The following CPNE7 variants were observed in gnomAD, a reference collection of about 807,000 sequenced individuals.
CPNE7 encodes the protein copine-7.
Under a neutral mutation model 66.5 loss-of-function variants are expected in CPNE7, and 78 were observed. The observed-to-expected ratio is 1.17, with a 90% CI of 0.98 to 1.42. CPNE7 has a LOEUF of 1.42. CPNE7 is among the 40% of genes most tolerant of loss of function. CPNE7 has a pLI of 0.00. For synonymous variants in CPNE7, 468 were observed against 336.7 expected (o/e 1.39, Z -4.27); for missense variants, 1,012 against 776.6 (o/e 1.30, Z -3.60).
chr16:89,587,648 T>TGTCACCCCCATGTCACCCGCAGACCCCGC (rs1438193389), intron 9 of CPNE7: 10 of 445,306 alleles, frequency 2.2e-5, no homozygotes, highest in East Asian at 2.1e-4. Context: ...ACAGACCCCG[T>TGTCACCCCCATGTCACCCGCAGACCCCGC]GTCACCCCCA....
rs1222289645 is a variant in CPNE7, at chr16:89,595,405, G to T, written c.1341G>T (p.Val447=). ...YILLILTDGV[V]TDMADTREAI... is the part of the protein sequence containing the mutation. ...TGCTGATCCTGACGGACGGCGTGGTGACCGACATGGCCGACACACGGGAGG... is the reference window on the plus strand; with the variant it reads ...TGCTGATCCTGACGGACGGCGTGGTTACCGACATGGCCGACACACGGGAGG... Residue 447 remains valine, a synonymous_variant, in exon 14 of 15, where the codon GTG becomes GTT. Transcript: ENST00000319518. 3 of 1,597,392 alleles carry T rather than the reference G, an allele frequency of 1.9e-6. No homozygotes were observed. In the South Asian group the frequency reaches 3.3e-5, roughly 18 times the overall value.
chr16:89,579,405 G>A (rs1188344929), intron 2 of CPNE7, among the ~76,000 whole-genome samples: 8 of 151,116 alleles, frequency 5.3e-5, no homozygotes, highest in African/African-American at 1.2e-4. Flanking sequence ...CCCGTCACAC[G>A]GAACATCTCA....
In CPNE7 at chr16:89,577,661, C is replaced by A; in HGVS notation, c.297C>A (p.Pro99=). Residue 99 remains proline, a synonymous_variant, in exon 2 of 15, where the codon CCC becomes CCA. Coordinates refer to ENST00000319518, the MANE Select transcript of CPNE7 (RefSeq NM_153636.3). ...TTGAGGTGTACGACACGCATGGGCC[C>A]AGCGGCTTCAGCTGTCAGGAGGACG... ...LRFEVYDTHG[P]SGFSCQEDDF... 1 of 1,597,430 alleles carries A rather than the reference C, an allele frequency of 6.3e-7. No individual in the cohort carries two copies.
chr16:89,585,831 G>T, intron 7 of CPNE7, 46 bp downstream of exon 7: 1 of 729,276 alleles, frequency 1.4e-6, no homozygotes, highest in Non-Finnish European at 2.1e-6. Flanking sequence ...GTCAGGTGGG[G>T]GTGGAGGGGG....
intron 2 of CPNE7, among the ~76,000 whole-genome samples, chr16:89,582,913 C>T (rs765606232): frequency 7.2e-5 from 11 of 152,236 alleles, no homozygotes; most frequent in African/African-American, 9.6e-5. Flanking sequence ...CCCGCTTGGC[C>T]GGGGTCATCA....
At chr16:89,587,429 C>A (rs187464198) in intron 9 of CPNE7, 2 of 384,390 alleles carry the variant, frequency 5.2e-6, no homozygotes, top group Non-Finnish European at 1.0e-5. Flanking sequence ...TCTCCATGCG[C>A]GGCTCCTGGG....
Position 89,586,679 on chromosome 16 carries a change from G to A in CPNE7, c.790G>A (p.Asp264Asn). 2.5e-6 allele frequency: 4 copies of A among 1,612,826 alleles called. No individual in the cohort carries two copies. In the South Asian group the frequency reaches 3.3e-5, roughly 13 times the overall value. ...CTTGTTCCTGCCCCAGGCCCAGTGG[G>A]ACTGTGTGAACCCCAAATACAAGCA... Reference protein sequence around the residue: ...KAFEEGQAQWDCVNPKYKQKR... With the variant: ...KAFEEGQAQWNCVNPKYKQKR... Residue 264 changes from aspartate to asparagine, a missense_variant, in exon 8 of 15, where the codon GAC becomes AAC. Transcript: ENST00000319518.
chr16:89,591,841 C>T (rs1201965122), intron 13 of CPNE7, among the ~76,000 whole-genome samples: 2 of 151,968 alleles, frequency 1.3e-5, no homozygotes, highest in Non-Finnish European at 2.9e-5. Context: ...GCTGGGACTA[C>T]AGGCGCCCGC....
chr16:89,576,264 G>C (rs898585811), intron 1 of CPNE7, among the ~76,000 whole-genome samples, 193 bp downstream of exon 1: 2 of 152,110 alleles, frequency 1.3e-5, no homozygotes, highest in East Asian at 1.9e-4. Context: ...TGTGGGGAGA[G>C]GCTGGGCTGG....
chr16:89,589,849 A>T (rs1217602145), intron 10 of CPNE7, 48 bp from the exon 11 acceptor site: 1 of 1,605,074 alleles, frequency 6.2e-7, no homozygotes, highest in African/African-American at 1.3e-5. Context: ...CCCCTGTTGC[A>T]GCCACAAGAG....
intron 3 of CPNE7, 110 bp downstream of exon 3, chr16:89,583,881 A>T (rs1018515798): frequency 2.1e-6 from 3 of 1,450,516 alleles, no homozygotes; most frequent in Admixed American, 1.9e-5. Context: ...GGTCTGCAGG[A>T]GCCGGCAGCT....
intron 2 of CPNE7, among the ~76,000 whole-genome samples, 185 bp downstream of exon 2, chr16:89,577,906 T>C (rs1462673173): frequency 6.6e-6 from 1 of 152,172 alleles, no homozygotes; most frequent in African/African-American, 2.4e-5. Context: ...AACTGGGTAA[T>C]ACATTCGTAT....
chr16:89,580,033 GC>G (rs2058926410), intron 2 of CPNE7, among the ~76,000 whole-genome samples: 1 of 44,536 alleles, frequency 2.2e-5, no homozygotes, highest in Non-Finnish European at 5.7e-5. Flanking sequence ...CCTGTCACCC[GC>G]TGACACGGAA....
intron 2 of CPNE7, 48 bp from the exon 3 acceptor site, chr16:89,583,649 G>A: frequency 1.2e-6 from 2 of 1,611,126 alleles, no homozygotes; most frequent in Non-Finnish European, 1.7e-6. Flanking sequence ...TCCAGGGTCA[G>A]GAGCCGTCCC....
At chr16:89,588,851 G>C (rs2059127248) in intron 10 of CPNE7, 43 bp downstream of exon 10, 6 of 1,606,060 alleles carry the variant, frequency 3.7e-6, no homozygotes, top group Middle Eastern at 3.3e-4. Flanking sequence ...CTCCAGGTCA[G>C]CTATGACAGG....
rs1483874250 is a variant in CPNE7, at chr16:89,576,943, C to T, written c.175-596C>T. On this transcript the variant is annotated intron_variant, in intron 1 of 14. Coordinates refer to ENST00000319518, the MANE Select transcript of CPNE7 (RefSeq NM_153636.3). The stretch of plus-strand genomic sequence containing the variant: ...CCCCTCACAGCCTGAGCCCACCCTT[C>T]ACATCCCGAGCCCACCATCCCCACG... 3.3e-5 allele frequency among the ~76,000 whole-genome samples: 5 copies of T among 151,786 alleles called. No homozygotes were observed. In the East Asian group the frequency reaches 9.7e-4, roughly 29 times the overall value.
At chr16:89,592,394 T>A (rs553640251) in intron 13 of CPNE7, among the ~76,000 whole-genome samples, 1 of 151,678 alleles carries the variant, frequency 6.6e-6, no homozygotes, top group Admixed American at 6.6e-5. Context: ...GCTCACACAT[T>A]GCGCTCCTGC....
At chr16:89,590,807 G>A (rs1190910608) in intron 11 of CPNE7, among the ~76,000 whole-genome samples, 200 bp from the exon 12 acceptor site, 2 of 49,292 alleles carry the variant, frequency 4.1e-5, no homozygotes, top group African/African-American at 1.7e-4. Flanking sequence ...CAGCTGACTG[G>A]GGGACATGGG....
chr16:89,588,563 C>T (rs990919752), intron 9 of CPNE7, 112 bp from the exon 10 acceptor site: 91 of 1,378,290 alleles, frequency 6.6e-5, no homozygotes, highest in Middle Eastern at 5.0e-4. Flanking sequence ...TACCCACCTA[C>T]GCGACCCCTG....
Sources: allele counts gnomAD v4.1 joint callset (sites outside exome capture counted in the v4.1 genomes callset), GRCh38; gene constraint gnomAD v4.1.1; transcripts MANE v1.5; gene names NCBI Gene and HGNC (gene_info 2026-07-23, HGNC 2026-07-21).